Variants in ARHGEF3 observed in about 807,000 individuals in gnomAD.
ARHGEF3 encodes the protein 59.8 kDA protein.
In ARHGEF3, 28 loss-of-function variants were observed where a neutral mutation model predicts 63.2. The observed-to-expected ratio is 0.44, with a 90% CI of 0.33 to 0.61. The LOEUF is 0.61. ARHGEF3 is among the 20% of genes least tolerant of loss of function. ARHGEF3 has a pLI of 0.03. For missense variants in ARHGEF3, 533 were observed against 659.3 expected (o/e 0.81, Z 2.10); for synonymous variants, 266 against 254.2 (o/e 1.05, Z -0.44).
intron 2 of ARHGEF3, among the ~76,000 whole-genome samples, chr3:57,006,490 G>A (rs561827242): frequency 7.4e-4 from 112 of 152,280 alleles, no homozygotes; most frequent in Non-Finnish European, 4.6e-4. Flanking sequence ...CTTCCAAGCC[G>A]TTAGGAAAAC....
At chr3:56,968,312 A>AT (rs1560094736) in intron 2 of ARHGEF3, among the ~76,000 whole-genome samples, 1 of 59,786 alleles carries the variant, frequency 1.7e-5, no homozygotes, top group African/African-American at 5.3e-5. Context: ...TAATATATAT[A>AT]AAATATATTT....
chr3:56,729,707 C>T, intron 9 of ARHGEF3, 85 bp from the exon 10 acceptor site: 2 of 1,147,618 alleles, frequency 1.7e-6, no homozygotes, highest in Non-Finnish European at 2.5e-6. Flanking sequence ...GACACTAAAC[C>T]CCAGAATCCA....
chr3:56,905,894 C>T (rs2041669257), intron 3 of ARHGEF3, among the ~76,000 whole-genome samples: 1 of 151,666 alleles, frequency 6.6e-6, no homozygotes, highest in African/African-American at 2.4e-5. Context: ...GAGACGGAGT[C>T]TCACTCTGTT....
chr3:57,003,401 CAAAAAAAAA>C (rs60214570), intron 2 of ARHGEF3, among the ~76,000 whole-genome samples: 8 of 43,708 alleles, frequency 1.8e-4, no homozygotes, highest in South Asian at 1.6e-3. Flanking sequence ...GACGCCGTCT[CAAAAAAAAA>C]AAAAAAAAAA....
intron 4 of ARHGEF3, among the ~76,000 whole-genome samples, chr3:56,859,547 T>G (rs2039997124): frequency 6.6e-6 from 1 of 151,350 alleles, no homozygotes; most frequent in African/African-American, 2.4e-5. Flanking sequence ...TTTTTTTTTT[T>G]GAGACAGGGT....
chr3:56,974,391 A>C (rs1701041435), intron 2 of ARHGEF3, among the ~76,000 whole-genome samples: 1 of 152,200 alleles, frequency 6.6e-6, no homozygotes, highest in Non-Finnish European at 1.5e-5. Flanking sequence ...ACACACACAA[A>C]AAAAGTGTTT....
chr3:56,946,789 AC>A (rs528464018), intron 3 of ARHGEF3, among the ~76,000 whole-genome samples: 139 of 152,048 alleles, frequency 9.1e-4, no homozygotes, highest in Non-Finnish European at 1.8e-3. Context: ...TCACAAAGAT[AC>A]TCCTCGAGAA....
chr3:56,961,982 T>C (rs1325451329), intron 2 of ARHGEF3, among the ~76,000 whole-genome samples: 2 of 152,152 alleles, frequency 1.3e-5, no homozygotes, highest in East Asian at 3.9e-4. Context: ...AAGTTTGAGG[T>C]TGCAACGAGC....
At chr3:56,772,013 A>T (rs1223220926) in intron 2 of ARHGEF3, among the ~76,000 whole-genome samples, 1 of 152,198 alleles carries the variant, frequency 6.6e-6, no homozygotes, top group Non-Finnish European at 1.5e-5. Context: ...ACTGGTCACA[A>T]GGGAGAAAAG....
intron 1 of ARHGEF3, chr3:57,076,789 G>A (rs1245125341): frequency 6.6e-6 from 1 of 152,174 alleles, no homozygotes; most frequent in Admixed American, 6.5e-5. Context: ...GACAGTTATT[G>A]TGCACCCGCT....
chr3:56,766,416 CAT>C (rs1388387860), intron 2 of ARHGEF3, among the ~76,000 whole-genome samples: 1 of 152,216 alleles, frequency 6.6e-6, no homozygotes, highest in Non-Finnish European at 1.5e-5. Flanking sequence ...GGAGGGGACA[CAT>C]ATTCTCCTTC....
intron 2 of ARHGEF3, among the ~76,000 whole-genome samples, chr3:57,002,483 A>ATATATATATATATATATGT: frequency 3.7e-4 from 15 of 40,684 alleles, no homozygotes; most frequent in South Asian, 3.6e-3. Context: ...TATATGTTAT[A>ATATATATATATATATATGT]TATATATATA....
In ARHGEF3 at chr3:57,012,754, C is replaced by T. The variant is rs114279812; in HGVS notation, c.62+22334G>A. Among the ~76,000 whole-genome samples, 1,363 of 152,346 alleles carry T rather than the reference C, an allele frequency of 8.9e-3. 15 individuals are homozygous for T. Among genetic ancestry groups the T allele is most frequent in the Non-Finnish European group, 0.013 (912 of 68,032 alleles). ...TGGCAGCCGTTGCTCGCTCTTGGTG[C>T]CTCCTCAGCCTTGGCGCCCACTCTG... On this transcript the variant is annotated intron_variant, in intron 2 of 12. Coordinates refer to the ARHGEF3 transcript ENST00000338458.
In ARHGEF3 at chr3:56,983,813, G is replaced by A. The variant is rs200031583; in HGVS notation, c.63-24924C>T. On this transcript the variant is annotated intron_variant, in intron 2 of 12. Transcript: ENST00000338458. ...TAGCCAGGCGTGGTGGTGCACGCCT[G>A]TAGTCCCAGCTACTCGGAAGGCTGA... Among the ~76,000 whole-genome samples the A allele has an allele frequency of 5.9e-5, 9 of 152,202 alleles. No homozygotes were observed. The East Asian group carries it at 1.7e-3, about 29-fold the overall frequency.
intron 6 of ARHGEF3, among the ~76,000 whole-genome samples, chr3:56,746,487 A>G (rs1578398873): frequency 6.6e-6 from 1 of 152,244 alleles, no homozygotes. Flanking sequence ...ATCCCAGCAC[A>G]TTGGGAAGCC....
At position 57,018,070 on chromosome 3, in the gene ARHGEF3, GGAGTTT is replaced by G. The variant is rs374751805; in HGVS notation, c.62+17012_62+17017del. Among the ~76,000 whole-genome samples the G allele has an allele frequency of 5.9e-3, 896 of 152,250 alleles. 16 individuals carry two copies. The highest frequency in any genetic ancestry group is 0.021 in the African/African-American group (862 of 41,554). The stretch of plus-strand genomic sequence containing the variant: ...AAGGCAGGTGGATCAGTTGAGGTCA[GGAGTTT>G]GAGACCAGCCTGGCCAACATGGTGA... On this transcript the variant is annotated intron_variant, in intron 2 of 12. Coordinates refer to the ARHGEF3 transcript ENST00000338458.
At chr3:57,030,678 T>G (rs933325508) in intron 2 of ARHGEF3, among the ~76,000 whole-genome samples, 35 of 152,194 alleles carry the variant, frequency 2.3e-4, no homozygotes, top group African/African-American at 8.2e-4. Context: ...AAATTCTGCT[T>G]CTGTTGCCAC....
chr3:56,823,997 A>C (rs75858724), intron 4 of ARHGEF3, among the ~76,000 whole-genome samples: 1 of 151,950 alleles, frequency 6.6e-6, no homozygotes, highest in African/African-American at 2.4e-5. Flanking sequence ...AAAAAAAAAA[A>C]AAAAAAAACA....
At position 56,930,502 on chromosome 3, in the gene ARHGEF3, GC is replaced by G. The variant is rs552474373; in HGVS notation, c.129+28320del. The stretch of plus-strand genomic sequence containing the variant: ...GTTTCTTCCAGCAACACACACAGAG[GC>G]ACAGATTTTGGGATAGATTTTTGAC... On this transcript the variant is annotated intron_variant, in intron 3 of 12. Coordinates refer to the ARHGEF3 transcript ENST00000338458. 8.5e-5 allele frequency among the ~76,000 whole-genome samples: 13 copies of G among 152,182 alleles called. 1 individual carries two copies. In the East Asian group the frequency reaches 1.9e-3, roughly 23 times the overall value.
Sources: allele counts gnomAD v4.1 joint callset (sites outside exome capture counted in the v4.1 genomes callset), GRCh38; gene constraint gnomAD v4.1.1; transcripts MANE v1.5; gene names NCBI Gene and HGNC (gene_info 2026-07-23, HGNC 2026-07-21).